The following HSD17B12 variants were observed in gnomAD, a reference collection of about 807,000 sequenced individuals.
The protein encoded by HSD17B12 is very-long-chain 3-oxoacyl-CoA reductase.
HSD17B12 carries 32 observed loss-of-function variants against 39.3 expected under a neutral mutation model. The observed-to-expected ratio is 0.81, with a 90% CI of 0.61 to 1.09. The LOEUF is 1.09. Among genes scored for constraint, HSD17B12 ranks in the 50% least tolerant of loss-of-function variants. The probability of loss-of-function intolerance (pLI) is 0.00; values close to 1 mark genes in which losing one functional copy is unlikely to be tolerated. For missense variants in HSD17B12, 342 were observed against 382.9 expected (o/e 0.89, Z 0.89); for synonymous variants, 150 against 146.7 (o/e 1.02, Z -0.16).
chr11:43,824,910 C>G (rs1032642731), intron 6 of HSD17B12, among the ~76,000 whole-genome samples: 3 of 152,014 alleles, frequency 2.0e-5, no homozygotes, highest in Non-Finnish European at 4.4e-5. Context: ...GCAGGAGGAT[C>G]ACTTGAACCC....
the HSD17B12 span, among the ~76,000 whole-genome samples, chr11:43,565,249 G>A: frequency 4.6e-5 from 7 of 152,216 alleles, no homozygotes; most frequent in South Asian, 2.1e-4. Context: ...AGGAAGTGGC[G>A]CCTTCACGTT....
At chr11:43,638,011 C>G in the HSD17B12 span, among the ~76,000 whole-genome samples, 6 of 151,522 alleles carry the variant, frequency 4.0e-5, no homozygotes, top group African/African-American at 1.5e-4. Context: ...TGTCAGAATG[C>G]AGATTTTCAG....
At chr11:43,717,762 C>A (rs1284538235) in intron 1 of HSD17B12, among the ~76,000 whole-genome samples, 2 of 151,228 alleles carry the variant, frequency 1.3e-5, no homozygotes, top group Admixed American at 1.3e-4. Context: ...AGGCCTTGAT[C>A]TGAAAGTTAT....
chr11:43,684,767 C>T (rs1457668313), intron 1 of HSD17B12, among the ~76,000 whole-genome samples: 1 of 152,152 alleles, frequency 6.6e-6, no homozygotes, highest in Non-Finnish European at 1.5e-5. Flanking sequence ...TACTTATGTT[C>T]ACAGGGTTGT....
chr11:43,786,593 C>T (rs1233027916), intron 3 of HSD17B12, among the ~76,000 whole-genome samples: 4 of 152,116 alleles, frequency 2.6e-5, no homozygotes, highest in African/African-American at 9.7e-5. Flanking sequence ...GGGTGCTGGG[C>T]ATCATGTCAG....
chr11:43,794,836 T>C (rs1950902039), intron 3 of HSD17B12, among the ~76,000 whole-genome samples: 1 of 152,162 alleles, frequency 6.6e-6, no homozygotes, highest in African/African-American at 2.4e-5. Flanking sequence ...TACACACTTG[T>C]GGGATATTGA....
Position 43,816,401 on chromosome 11 carries a change from C to G in HSD17B12, c.501+10C>G, listed in dbSNP as rs1240666101. On this transcript the variant is annotated intron_variant, in intron 6 of 10. Transcript: ENST00000278353. ...TCTTTCTGTTTGTAAGGTAAGCATC[C>G]TTGTTATAAAGATGTCATCCTTTTT... The G allele has an allele frequency of 6.6e-7, 1 of 1,516,638 alleles. No individual in the cohort carries two copies. The highest frequency in any genetic ancestry group is 1.8e-4 in the Middle Eastern group (1 of 5,688). The allele number at this position is 1,516,638 out of a possible 1,614,324, so 93.9% of individuals were successfully genotyped here.
rs116236642 is a variant in HSD17B12, at chr11:43,787,502, C to T, written c.284-10818C>T. Reference sequence around the variant, plus strand: ...CTATAATCCCAACACTGTGGGAGGCCGAAGCGGGTAGATCACCTGAGGTCA... The same window carrying T: ...CTATAATCCCAACACTGTGGGAGGCTGAAGCGGGTAGATCACCTGAGGTCA... On this transcript the variant is annotated intron_variant, in intron 3 of 10. Coordinates refer to ENST00000278353, the MANE Select transcript of HSD17B12 (RefSeq NM_016142.3). Among the ~76,000 whole-genome samples, 1,408 of 151,904 alleles carry T rather than the reference C, an allele frequency of 9.3e-3. 16 individuals are homozygous for T. The highest frequency in any genetic ancestry group is 0.033 in the African/African-American group (1,376 of 41,416).
At chr11:43,688,824 T>C (rs1949826742) in intron 1 of HSD17B12, among the ~76,000 whole-genome samples, 1 of 152,176 alleles carries the variant, frequency 6.6e-6, no homozygotes, top group Admixed American at 6.5e-5. Context: ...TTTCATTTTT[T>C]AGGGGGATGA....
At chr11:43,838,111 G>A (rs956148395) in intron 7 of HSD17B12, 5 of 545,500 alleles carry the variant, frequency 9.2e-6, no homozygotes, top group East Asian at 9.0e-5. Flanking sequence ...TGAGCTAATC[G>A]TGAAGAAGAG....
chr11:43,678,358 A>G (rs891380748), upstream of HSD17B12, among the ~76,000 whole-genome samples: 2 of 152,146 alleles, frequency 1.3e-5, no homozygotes, highest in African/African-American at 4.8e-5. Flanking sequence ...AGTAGATTGC[A>G]AAAATTTTCT....
the HSD17B12 span, among the ~76,000 whole-genome samples, chr11:43,656,175 T>G: frequency 1.3e-5 from 2 of 152,182 alleles, no homozygotes; most frequent in African/African-American, 2.4e-5. Flanking sequence ...TCTTCTAGAT[T>G]TTCTAGTTTA....
chr11:43,685,117 C>T (rs1366682935), intron 1 of HSD17B12, among the ~76,000 whole-genome samples: 2 of 152,164 alleles, frequency 1.3e-5, no homozygotes, highest in Non-Finnish European at 2.9e-5. Flanking sequence ...TTGTTCTACC[C>T]TCTGGATGTT....
chr11:43,691,477 C>T (rs1036074562), intron 1 of HSD17B12, among the ~76,000 whole-genome samples: 1 of 152,182 alleles, frequency 6.6e-6, no homozygotes, highest in Non-Finnish European at 1.5e-5. Flanking sequence ...TTCCTTTGCA[C>T]ATCTAGACAG....
chr11:43,674,171 A>G, the HSD17B12 span, among the ~76,000 whole-genome samples: 4 of 152,218 alleles, frequency 2.6e-5, no homozygotes, highest in African/African-American at 9.7e-5. Context: ...TCGGAGAGCT[A>G]TTAGTCACAT....
At chr11:43,644,519 G>A in the HSD17B12 span, 3 of 152,686 alleles carry the variant, frequency 2.0e-5, no homozygotes, top group African/African-American at 7.2e-5. Flanking sequence ...GAAATATCTG[G>A]GTGGCCGGCG....
At chr11:43,665,271 T>C in the HSD17B12 span, among the ~76,000 whole-genome samples, 1 of 152,102 alleles carries the variant, frequency 6.6e-6, no homozygotes, top group Non-Finnish European at 1.5e-5. Context: ...TAGGCTGGAG[T>C]GCGGTGGTGC....
chr11:43,832,610 AC>A (rs1281442665), intron 7 of HSD17B12, among the ~76,000 whole-genome samples: 6 of 152,232 alleles, frequency 3.9e-5, no homozygotes, highest in Admixed American at 3.9e-4. Context: ...ATCTCTGTAG[AC>A]CTGACAGCCA....
At chr11:43,775,142 G>A (rs1409216510) in intron 3 of HSD17B12, among the ~76,000 whole-genome samples, 1 of 152,162 alleles carries the variant, frequency 6.6e-6, no homozygotes, top group Non-Finnish European at 1.5e-5. Context: ...TAAGAGCAGA[G>A]GGCCCCAGTC....
Sources: gnomAD v4.1 joint callset for allele counts (sites outside exome capture counted in the v4.1 genomes callset) on GRCh38, gnomAD v4.1.1 for gene constraint, MANE v1.5 for transcripts, NCBI Gene and HGNC (gene_info 2026-07-23, HGNC 2026-07-21) for gene names.